ST8SIA5: variants seen among roughly 807,000 people sequenced by gnomAD.
ST8SIA5 encodes the protein ST8 alpha-N-acetyl-neuraminide alpha-2,8-sialyltransferase 5.
A neutral mutation model predicts 40.2 loss-of-function variants in ST8SIA5; 24 were observed. The ratio of observed to expected loss-of-function variants is 0.60; its 90% CI spans 0.43 to 0.84. The LOEUF (loss-of-function observed/expected upper bound fraction) is 0.84, where lower values mean the gene tolerates loss of function less well. Among genes scored for constraint, ST8SIA5 ranks in the 40% least tolerant of loss-of-function variants. The pLI, the probability that ST8SIA5 is intolerant of heterozygous loss-of-function variation, is 0.00. For missense variants in ST8SIA5, 465 were observed against 498.5 expected, an observed-to-expected ratio of 0.93 and a Z score of 0.64; for synonymous variants, 198 against 201.8, an observed-to-expected ratio of 0.98 and a Z score of 0.16.
chr18:46,719,682 T>TTTTCTTTTTCTTTCTTTCTTTC (rs2039833307), intron 1 of ST8SIA5, among the ~76,000 whole-genome samples: 1 of 107,064 alleles, frequency 9.3e-6, no homozygotes, highest in Non-Finnish European at 1.9e-5. Flanking sequence ...TTCTTTTCTT[T>TTTTCTTTTTCTTTCTTTCTTTC]TTTCTTTCTT....
chr18:46,723,907 C>A (rs1167722668), intron 1 of ST8SIA5, among the ~76,000 whole-genome samples: 1 of 149,970 alleles, frequency 6.7e-6, no homozygotes, highest in Non-Finnish European at 1.5e-5. Context: ...GCCTGGGTGA[C>A]AAGAGCAAAA....
intron 1 of ST8SIA5, among the ~76,000 whole-genome samples, chr18:46,725,972 A>AAAAAAAAAAAAAT (rs59660372): frequency 1.4e-4 from 4 of 29,096 alleles, no homozygotes; most frequent in Non-Finnish European, 2.4e-4. Context: ...AAAAAAAAAA[A>AAAAAAAAAAAAAT]ATATATATAT....
chr18:46,671,188 T>A lies in ST8SIA5; in HGVS notation c.*8854A>T, dbSNP rs1037022098. On this transcript the variant is annotated 3_prime_UTR_variant, in exon 7 of 7. Transcript: ENST00000315087. ...TCTCCAGAGGCTCTTGTCAACTTTG[T>A]CGCTGAATGTGGAATTCTGAGCTCT... 4 of 152,192 alleles carry A rather than the reference T, an allele frequency of 2.6e-5. No homozygotes were observed. Among genetic ancestry groups the A allele is most frequent in the Non-Finnish European group, 4.4e-5 (3 of 68,048 alleles). 9.4% of individuals were successfully genotyped at this position (152,192 alleles called of 1,614,324 possible).
intron 1 of ST8SIA5, among the ~76,000 whole-genome samples, chr18:46,708,116 A>C (rs961163418): frequency 2.0e-5 from 3 of 152,158 alleles, no homozygotes; most frequent in South Asian, 2.1e-4. Context: ...GAACTACCCC[A>C]AAAATGCTCA....
chr18:46,680,054 G>A lies in ST8SIA5; in HGVS notation c.1119C>T (p.Cys373=), dbSNP rs1457330824. Residue 373 remains cysteine, a synonymous_variant, in exon 7 of 7, where the codon TGC becomes TGT. Transcript: ENST00000315087. The part of the protein sequence containing the change: ...RGILRVHTGT[C]SCC ...TGGCTGGCAGCCATCAGCAGCAGCT[G>A]CAGGTGCCCGTGTGCACGCGGAGGA... is the stretch of plus-strand genomic sequence containing the variant. 1 of 1,604,086 alleles carries A rather than the reference G, an allele frequency of 6.2e-7. No individual in the cohort carries two copies. Among genetic ancestry groups the A allele is most frequent in the Non-Finnish European group, 8.5e-7 (1 of 1,173,440 alleles).
At chr18:46,718,246 C>T (rs775315519) in intron 1 of ST8SIA5, among the ~76,000 whole-genome samples, 2 of 148,538 alleles carry the variant, frequency 1.3e-5, no homozygotes, top group African/African-American at 5.0e-5. Context: ...AGGAGAATTG[C>T]TTGAACCCGG....
intron 1 of ST8SIA5, among the ~76,000 whole-genome samples, chr18:46,755,260 C>T (rs1487353744): frequency 6.6e-6 from 1 of 152,174 alleles, no homozygotes; most frequent in African/African-American, 2.4e-5. Flanking sequence ...ATTGGGAGCA[C>T]CCATACCTGA....
intron 2 of ST8SIA5, 116 bp downstream of exon 2, chr18:46,704,456 A>G (rs185712829): frequency 1.8e-4 from 163 of 928,378 alleles, no homozygotes; most frequent in Non-Finnish European, 2.5e-4. Context: ...TTTTCGCTCT[A>G]TAGGAACCTA....
chr18:46,721,345 T>C (rs2039860949), intron 1 of ST8SIA5: 1 of 1,535,548 alleles, frequency 6.5e-7, no homozygotes, highest in Non-Finnish European at 8.7e-7. Context: ...TCCCTGGCCT[T>C]TTGCCGGGGT....
chr18:46,701,234 G>A (rs1339706303), intron 2 of ST8SIA5, among the ~76,000 whole-genome samples: 2 of 138,828 alleles, frequency 1.4e-5, no homozygotes, highest in African/African-American at 5.4e-5. Flanking sequence ...TCCACCTCCC[G>A]GGTTCAAGCA....
intron 1 of ST8SIA5, among the ~76,000 whole-genome samples, chr18:46,721,821 C>T (rs1023645096): frequency 6.6e-6 from 1 of 152,192 alleles, no homozygotes; most frequent in Non-Finnish European, 1.5e-5. Context: ...ACCAAAAGAG[C>T]GCCAGCACCA....
At chr18:46,717,875 T>C (rs932751838) in intron 1 of ST8SIA5, among the ~76,000 whole-genome samples, 1 of 152,116 alleles carries the variant, frequency 6.6e-6, no homozygotes. Context: ...ATTGAGCACC[T>C]ACTACATAAC....
At position 46,670,505 on chromosome 18, in the gene ST8SIA5, T is replaced by A. The variant is rs764684012; in HGVS notation, c.*9537A>T. The stretch of plus-strand genomic sequence containing the variant: ...CTCTGTCACCCAGGCTGGAGTGTAG[T>A]GGTATGATCTCAGCTCACTGCAACC... On this transcript the variant is annotated 3_prime_UTR_variant, in exon 7 of 7. Coordinates refer to ENST00000315087, the MANE Select transcript of ST8SIA5 (RefSeq NM_013305.6). 7.9e-5 allele frequency: 12 copies of A among 152,318 alleles called. No individual in the cohort carries two copies. Among genetic ancestry groups the A allele is most frequent in the Admixed American group, 5.2e-4 (8 of 15,276 alleles). 9.4% of individuals were successfully genotyped at this position (152,318 alleles called of 1,614,324 possible). A position where few individuals can be genotyped will look rare whatever the true frequency, so the allele number is the denominator to read the frequency against.
chr18:46,734,133 A>G (rs375668747), intron 1 of ST8SIA5, among the ~76,000 whole-genome samples: 10 of 152,012 alleles, frequency 6.6e-5, no homozygotes, highest in African/African-American at 2.4e-4. Context: ...GTTGCGCCGC[A>G]TTCTCAGCAG....
intron 1 of ST8SIA5, among the ~76,000 whole-genome samples, chr18:46,728,969 C>T (rs2039959339): frequency 6.6e-6 from 1 of 152,202 alleles, no homozygotes; most frequent in Non-Finnish European, 1.5e-5. Context: ...ACCCTCAACT[C>T]AGTGCCCCAG....
intron 2 of ST8SIA5, among the ~76,000 whole-genome samples, chr18:46,702,519 C>T (rs2039628722): frequency 1.3e-5 from 2 of 152,178 alleles, no homozygotes; most frequent in South Asian, 2.1e-4. Context: ...GTGTCTTCCC[C>T]GCCGGCATTC....
chr18:46,712,319 C>T (rs1227060150), intron 1 of ST8SIA5, among the ~76,000 whole-genome samples: 2 of 152,208 alleles, frequency 1.3e-5, no homozygotes, highest in Non-Finnish European at 2.9e-5. Context: ...CCAAGAGATA[C>T]ATCCTAGCTG....
chr18:46,715,881 C>G (rs143722557), intron 1 of ST8SIA5, among the ~76,000 whole-genome samples: 1 of 152,202 alleles, frequency 6.6e-6, no homozygotes, highest in Non-Finnish European at 1.5e-5. Context: ...AGCAACTGTG[C>G]CTGACCAGAA....
At chr18:46,684,475 G>C (rs909000212) in intron 5 of ST8SIA5, among the ~76,000 whole-genome samples, 2 of 152,098 alleles carry the variant, frequency 1.3e-5, no homozygotes, top group Non-Finnish European at 2.9e-5. Flanking sequence ...TGACCCCAAG[G>C]GGTAGTTACT....
Sources: allele counts gnomAD v4.1 joint callset (sites outside exome capture counted in the v4.1 genomes callset), GRCh38; gene constraint gnomAD v4.1.1; transcripts MANE v1.5; gene names NCBI Gene and HGNC (gene_info 2026-07-23, HGNC 2026-07-21).